FYB1: variants seen among roughly 807,000 people sequenced by gnomAD.
The protein encoded by FYB1 is FYN-binding protein 1.
A neutral mutation model predicts 94.1 loss-of-function variants in FYB1; 41 were observed. The ratio of observed to expected loss-of-function variants is 0.44; its 90% confidence interval spans 0.34 to 0.57. The LOEUF (loss-of-function observed/expected upper bound fraction) is 0.57, where lower values mean the gene tolerates loss of function less well. FYB1 is among the 20% of genes least tolerant of loss of function. The pLI, the probability that FYB1 is intolerant of heterozygous loss-of-function variation, is 0.02. For synonymous variants in FYB1, 367 were observed against 353.2 expected (o/e 1.04, Z -0.44); for missense variants, 1,050 against 976.8 (o/e 1.07, Z -1.00).
rs184468828 is a variant in FYB1 at position 39,202,684 on chromosome 5, C to T, written c.277G>A (p.Gly93Arg). ...CTGGTGGTCAAGCTGGCTGGTGTTC[C>T]GAATCTTTGGCCTGCTCCAGTGGGC... ...LKPTGAGQRF[G>R]TPASLTTRDP... Residue 93 changes from glycine (G) to arginine (R), a missense_variant, in exon 2 of 19, where the codon GGA (glycine) becomes AGA (arginine). Physicochemically the swap from Gly to Arg is moderately radical, Grantham distance 125. Coordinates refer to ENST00000512982, the MANE Select transcript of FYB1 (RefSeq NM_001465.6). The T allele has an allele frequency of 1.1e-5, 17 of 1,613,604 alleles. No homozygotes were observed. Among genetic ancestry groups the T allele is most frequent in the Admixed American group, 1.0e-4 (6 of 59,970 alleles).
At chr5:39,169,526 C>A in intron 2 of FYB1, 1 of 568,588 alleles carries the variant, frequency 1.8e-6, no homozygotes, top group Admixed American at 1.9e-5. Flanking sequence ...CAGAGTCCAT[C>A]TGCTGTTTGA....
At chr5:39,148,985 A>T (rs953901702) in intron 3 of FYB1, among the ~76,000 whole-genome samples, 2 of 152,196 alleles carry the variant, frequency 1.3e-5, no homozygotes, top group Non-Finnish European at 2.9e-5. Context: ...ATTACACTAA[A>T]AGGTGTTGAT....
chr5:39,211,245 G>A (rs1396730304), intron 1 of FYB1, among the ~76,000 whole-genome samples: 1 of 151,646 alleles, frequency 6.6e-6, no homozygotes, highest in Non-Finnish European at 1.5e-5. Context: ...TACAATATAA[G>A]TTCTTTCATT....
intron 1 of FYB1, among the ~76,000 whole-genome samples, chr5:39,225,010 G>A (rs578068040): frequency 1.3e-5 from 2 of 152,264 alleles, no homozygotes; most frequent in East Asian, 3.9e-4. Flanking sequence ...TTTATTAGTG[G>A]ACAAAACCTT....
intron 3 of FYB1, among the ~76,000 whole-genome samples, chr5:39,146,245 C>T (rs1742649094): frequency 6.6e-6 from 1 of 152,086 alleles, no homozygotes; most frequent in African/African-American, 2.4e-5. Context: ...TTAAACAGTC[C>T]TTCCTTTGTG....
chr5:39,147,423 C>T (rs546108400), intron 3 of FYB1, among the ~76,000 whole-genome samples: 1 of 150,688 alleles, frequency 6.6e-6, no homozygotes, highest in East Asian at 2.0e-4. Context: ...CACGTGTTAC[C>T]ATGCCCAGCT....
chr5:39,110,335 AG>A lies in FYB1; in HGVS notation c.2435+20del, dbSNP rs746769766. 6.5e-7 allele frequency: 1 copy of A among 1,545,302 alleles called. No individual in the cohort carries two copies. The highest frequency in any genetic ancestry group is 1.2e-5 in the South Asian group (1 of 84,476). On this transcript the variant is annotated intron_variant, in intron 17 of 18. Transcript: ENST00000512982. ...ACAAAATTCTTTTCACAAGCATAGT[AG>A]TAGAAGAAAATGGGCTTACTTGTCC...
At chr5:39,246,059 G>A (rs1031746079) in intron 1 of FYB1, among the ~76,000 whole-genome samples, 1 of 152,236 alleles carries the variant, frequency 6.6e-6, no homozygotes, top group Non-Finnish European at 1.5e-5. Flanking sequence ...GAAAAAGAAA[G>A]TCTGCTTTTT....
intron 1 of FYB1, among the ~76,000 whole-genome samples, chr5:39,256,358 G>A (rs1453876648): frequency 6.6e-6 from 1 of 152,150 alleles, no homozygotes; most frequent in African/African-American, 2.4e-5. Flanking sequence ...TTAAAAAGAA[G>A]GACTTACCGT....
chr5:39,134,822 A>T, intron 8 of FYB1, 33 bp downstream of exon 8: 2 of 1,611,086 alleles, frequency 1.2e-6, no homozygotes, highest in Non-Finnish European at 1.7e-6. Flanking sequence ...CGCAAAGAAA[A>T]TACTTCGAAG....
At chr5:39,215,278 C>A (rs1048936378) in intron 1 of FYB1, among the ~76,000 whole-genome samples, 1 of 151,908 alleles carries the variant, frequency 6.6e-6, no homozygotes, top group Admixed American at 6.6e-5. Flanking sequence ...AACAGTGGAT[C>A]AATGTCAAAC....
chr5:39,244,775 T>A (rs527841056), intron 1 of FYB1, among the ~76,000 whole-genome samples: 6 of 150,368 alleles, frequency 4.0e-5, no homozygotes, highest in Admixed American at 1.4e-4. Flanking sequence ...GGTCCTGGAC[T>A]TTTTTTGGTT....
chr5:39,152,440 C>T (rs1360552118), intron 3 of FYB1, among the ~76,000 whole-genome samples: 1 of 152,084 alleles, frequency 6.6e-6, no homozygotes, highest in Non-Finnish European at 1.5e-5. Flanking sequence ...TTGTAAGGAA[C>T]ATCAATCTGG....
chr5:39,170,405 C>A, intron 2 of FYB1: 1 of 558,712 alleles, frequency 1.8e-6, no homozygotes. Flanking sequence ...TTGTCGCCGT[C>A]CTGGGCCGGA....
intron 1 of FYB1, among the ~76,000 whole-genome samples, chr5:39,210,293 C>T (rs373875684): frequency 6.6e-6 from 1 of 152,158 alleles, no homozygotes; most frequent in African/African-American, 2.4e-5. Context: ...GGTGTGTGTG[C>T]CCCGCCAGGT....
intron 2 of FYB1, among the ~76,000 whole-genome samples, chr5:39,157,750 A>G (rs1044247357): frequency 1.3e-5 from 2 of 152,148 alleles, no homozygotes; most frequent in African/African-American, 4.8e-5. Context: ...TGTGATTTGA[A>G]AGTACTGGAA....
At chr5:39,220,015 C>T (rs1043535181), upstream of FYB1, among the ~76,000 whole-genome samples, 1 of 152,124 alleles carries the variant, frequency 6.6e-6, no homozygotes, top group African/African-American at 2.4e-5. Context: ...AGTGGTCACT[C>T]ATGTGTGGAA....
At chr5:39,227,220 A>G (rs755038300) in intron 1 of FYB1, among the ~76,000 whole-genome samples, 3 of 152,078 alleles carry the variant, frequency 2.0e-5, no homozygotes, top group Non-Finnish European at 4.4e-5. Flanking sequence ...AGATATAAAA[A>G]TCAAGTGTAA....
chr5:39,273,553 G>T (rs1476984480), intron 1 of FYB1, among the ~76,000 whole-genome samples: 2 of 152,334 alleles, frequency 1.3e-5, no homozygotes, highest in African/African-American at 4.8e-5. Flanking sequence ...ATCTGAAAAT[G>T]ATAAACCTAT....
Sources: gnomAD v4.1 joint callset for allele counts (sites outside exome capture counted in the v4.1 genomes callset) on GRCh38, gnomAD v4.1.1 for gene constraint, MANE v1.5 for transcripts, NCBI Gene and HGNC (gene_info 2026-07-23, HGNC 2026-07-21) for gene names.